Variants in IWS1 observed in about 807,000 individuals in gnomAD.
The protein encoded by IWS1 is protein IWS1 homolog.
IWS1 carries 27 observed loss-of-function variants against 86.7 expected under a neutral mutation model. The observed-to-expected ratio is 0.31, with a 90% CI of 0.23 to 0.43. The LOEUF is 0.43. IWS1 is among the 20% of genes least tolerant of loss of function. IWS1 has a pLI of 1.00. For missense variants in IWS1, 827 were observed against 1,000.8 expected, an observed-to-expected ratio of 0.83 and a Z score of 2.34; for synonymous variants, 313 against 335.1, an observed-to-expected ratio of 0.93 and a Z score of 0.72.
chr2:127,504,943 C>T lies in IWS1; in HGVS notation c.960G>A (p.Ala320=), dbSNP rs757222762. The T allele has an allele frequency of 2.5e-5, 40 of 1,614,046 alleles. No homozygotes were observed. Among genetic ancestry groups the T allele is most frequent in the South Asian group, 1.5e-4 (14 of 91,084 alleles). Residue 320 remains alanine (A), a synonymous_variant, in exon 3 of 14, where the codon GCG becomes GCA. Transcript: ENST00000295321. ...ACTCTGGCTTCTGTTTGTGTCTGGACGCATCCTCAGTTTCTGAGTCACTGG... is the reference window on the plus strand; with the variant it reads ...ACTCTGGCTTCTGTTTGTGTCTGGATGCATCCTCAGTTTCTGAGTCACTGG... ...GPASDSETED[A]SRHKQKPESD...
chr2:127,510,510 T>C (rs1290630470), intron 2 of IWS1, among the ~76,000 whole-genome samples: 1 of 152,200 alleles, frequency 6.6e-6, no homozygotes, highest in Admixed American at 6.5e-5. Flanking sequence ...TTTGTCTTTT[T>C]GAGACAAGGT....
intron 5 of IWS1, chr2:127,502,430 T>C (rs2104695761): frequency 6.4e-6 from 1 of 156,014 alleles, no homozygotes; most frequent in Non-Finnish European, 1.4e-5. Flanking sequence ...ACTTTGTTCC[T>C]AGATAATGAG....
chr2:127,486,599 T>C lies in IWS1; in HGVS notation c.2282A>G (p.Asp761Gly). The C allele has an allele frequency of 1.2e-6, 2 of 1,614,120 alleles. No individual in the cohort carries two copies. The highest frequency in any genetic ancestry group is 1.7e-6 in the Non-Finnish European group (2 of 1,179,972). ...RARVPMPSNKDYVVRPKWNVE... is the reference protein window; with the variant it reads ...RARVPMPSNKGYVVRPKWNVE... ...ATTCCATTTGGGCCTGACAACATAG[T>C]CCTTGTTTGAAGGCATTGGGACCCT... The change falls in exon 13 of 14, where the codon GAC (aspartate) becomes GGC (glycine). Residue 761 changes from aspartate to glycine, a missense_variant. Asp to Gly is a moderately conservative substitution (Grantham distance 94, BLOSUM62 -1). This residue lies in a region of IWS1 where 279 missense variants were observed against 440.6 expected (regional missense o/e 0.63). Transcript: ENST00000295321.
At chr2:127,492,174 CAACAG>C (rs1330305267) in intron 9 of IWS1, 86 bp from the exon 10 acceptor site, 3 of 761,798 alleles carry the variant, frequency 3.9e-6, no homozygotes, top group African/African-American at 3.5e-5. Context: ...GGCACATTCA[CAACAG>C]AACAAATAAA....
chr2:127,497,766 G>A (rs1690590201), intron 6 of IWS1, among the ~76,000 whole-genome samples: 1 of 152,182 alleles, frequency 6.6e-6, no homozygotes, highest in South Asian at 2.1e-4. Flanking sequence ...ACTAAAGTAA[G>A]TGAAATATGG....
chr2:127,491,095 G>A (rs1690202558), intron 10 of IWS1, among the ~76,000 whole-genome samples: 1 of 152,098 alleles, frequency 6.6e-6, no homozygotes, highest in Non-Finnish European at 1.5e-5. Flanking sequence ...CATAAATTTT[G>A]GTTTAGACTT....
chr2:127,511,016 T>C (rs1019718372), intron 2 of IWS1, among the ~76,000 whole-genome samples: 2 of 152,250 alleles, frequency 1.3e-5, no homozygotes, highest in Non-Finnish European at 2.9e-5. Flanking sequence ...TTAGAAATTC[T>C]ACTCCAGTTC....
chr2:127,518,650 C>G (rs984624516), intron 2 of IWS1, among the ~76,000 whole-genome samples: 2 of 149,184 alleles, frequency 1.3e-5, no homozygotes, highest in Non-Finnish European at 3.0e-5. Flanking sequence ...ACTGCAACCT[C>G]TGCCTCCCAG....
At chr2:127,518,878 G>C (rs1051956406) in intron 2 of IWS1, among the ~76,000 whole-genome samples, 8 of 152,028 alleles carry the variant, frequency 5.3e-5, no homozygotes, top group Non-Finnish European at 7.4e-5. Flanking sequence ...CCCAAGACAG[G>C]TGATCTTTTT....
intron 2 of IWS1, among the ~76,000 whole-genome samples, chr2:127,522,853 T>C (rs1368409767): frequency 1.3e-5 from 2 of 152,188 alleles, no homozygotes; most frequent in Non-Finnish European, 1.5e-5. Flanking sequence ...TTAGAGCAAA[T>C]ACGTTAAAAT....
intron 13 of IWS1, among the ~76,000 whole-genome samples, chr2:127,485,097 A>G (rs548976356): frequency 1.3e-5 from 2 of 152,332 alleles, no homozygotes; most frequent in Admixed American, 1.3e-4. Flanking sequence ...TATGGGCACA[A>G]GAAAGAGGAG....
chr2:127,486,774 G>T, intron 12 of IWS1, 110 bp from the exon 13 acceptor site: 1 of 821,012 alleles, frequency 1.2e-6, no homozygotes, highest in Non-Finnish European at 2.0e-6. Context: ...TGCAATGTTC[G>T]AAACTCCTCT....
intron 2 of IWS1, among the ~76,000 whole-genome samples, chr2:127,516,847 G>A (rs950675860): frequency 4.6e-5 from 7 of 151,990 alleles, no homozygotes; most frequent in Non-Finnish European, 1.0e-4. Context: ...TTAAGCGCAT[G>A]GAACATTCTC....
intron 13 of IWS1, among the ~76,000 whole-genome samples, chr2:127,483,352 G>A (rs1255413755): frequency 6.6e-6 from 1 of 152,060 alleles, no homozygotes; most frequent in Non-Finnish European, 1.5e-5. Context: ...GCCGGGTGTG[G>A]TGGCTCCCGC....
intron 2 of IWS1, 79 bp downstream of exon 2, chr2:127,523,597 A>G (rs956276743): frequency 8.8e-6 from 8 of 906,100 alleles, no homozygotes; most frequent in East Asian, 7.4e-5. Flanking sequence ...TGTCACAGAG[A>G]TTCTGTAACT....
chr2:127,525,212 C>T (rs1189508301), intron 1 of IWS1, among the ~76,000 whole-genome samples: 1 of 151,948 alleles, frequency 6.6e-6, no homozygotes, highest in Non-Finnish European at 1.5e-5. Flanking sequence ...CGGCCGCCTA[C>T]GCCTCCCAAA....
chr2:127,517,754 A>C (rs1164918921), intron 2 of IWS1, among the ~76,000 whole-genome samples: 1 of 152,248 alleles, frequency 6.6e-6, no homozygotes, highest in East Asian at 1.9e-4. Context: ...ACATATGTCT[A>C]CAAAAAATTT....
At chr2:127,487,633 C>A (rs947317880) in intron 12 of IWS1, among the ~76,000 whole-genome samples, 1 of 152,190 alleles carries the variant, frequency 6.6e-6, no homozygotes, top group African/African-American at 2.4e-5. Context: ...TCACCGCGAG[C>A]TCCACCTCCT....
chr2:127,481,652 T>C (rs75859591), intron 13 of IWS1, among the ~76,000 whole-genome samples: 7,007 of 152,288 alleles, frequency 0.046, 265 homozygotes, highest in South Asian at 0.18. Context: ...AGATGATTAG[T>C]GAAGTAAACC....
Sources: gnomAD v4.1 joint callset for allele counts (sites outside exome capture counted in the v4.1 genomes callset) on GRCh38, gnomAD v4.1.1 for gene constraint, gnomAD v4.1.1 regional missense constraint, MANE v1.5 for transcripts, NCBI Gene and HGNC (gene_info 2026-07-23, HGNC 2026-07-21) for gene names.